Variants in MYO5A observed in about 807,000 individuals in gnomAD.
MYO5A encodes the protein unconventional myosin-Va.
MYO5A carries 98 observed loss-of-function variants against 249.7 expected under a neutral mutation model. That is an observed-to-expected ratio of 0.39 (90% CI 0.33 to 0.46). MYO5A has a LOEUF of 0.46. MYO5A is among the 20% of genes least tolerant of loss of function. MYO5A has a pLI of 0.98. For synonymous variants in MYO5A, 778 were observed against 810.6 expected (o/e 0.96, Z 0.68); for missense variants, 1,696 against 2,308.8 (o/e 0.73, Z 5.44).
intron 1 of MYO5A, among the ~76,000 whole-genome samples, chr15:52,501,032 A>G (rs1023554462): frequency 3.3e-5 from 5 of 151,840 alleles, no homozygotes; most frequent in African/African-American, 1.2e-4. Flanking sequence ...TGCAGTGGCA[A>G]GATCTTGGCT....
At chr15:52,472,735 T>C (rs1053968420) in intron 1 of MYO5A, among the ~76,000 whole-genome samples, 2 of 152,348 alleles carry the variant, frequency 1.3e-5, no homozygotes, top group South Asian at 2.1e-4. Context: ...TCCTTTTTTA[T>C]GGCTACGTAG....
At position 52,337,825 on chromosome 15, in the gene MYO5A, A is replaced by G. The variant is rs1326069778; in HGVS notation, c.4299T>C (p.Leu1433=). Residue 1433 remains leucine, a synonymous_variant, in exon 33 of 42, where the codon CTT becomes CTC. Coordinates refer to ENST00000399233, the MANE Select transcript of MYO5A (RefSeq NM_001382347.1). ...PKKYQSYRIS[L]YKRMIDLMEQ... ...TTTTACATACAATCATCCGTTTGTA[A>G]AGGGAAATCCGATATGATTGATACT... 1.3e-6 allele frequency: 2 copies of G among 1,542,890 alleles called. No homozygotes were observed. Among genetic ancestry groups the G allele is most frequent in the Admixed American group, 2.0e-5 (1 of 50,746 alleles).
chr15:52,459,395 C>T (rs2076191652), intron 1 of MYO5A, among the ~76,000 whole-genome samples: 1 of 151,914 alleles, frequency 6.6e-6, no homozygotes. Context: ...TGCCTTCAAG[C>T]ATCTGTTTAA....
At chr15:52,374,188 A>G (rs1387878050) in intron 20 of MYO5A, among the ~76,000 whole-genome samples, 1 of 152,188 alleles carries the variant, frequency 6.6e-6, no homozygotes, top group Non-Finnish European at 1.5e-5. Context: ...CACAGGTGAT[A>G]ATTAAGACTA....
chr15:52,439,098 C>T (rs11854498), intron 1 of MYO5A, among the ~76,000 whole-genome samples: 22,870 of 152,234 alleles, frequency 0.15, 1,823 homozygotes, highest in Middle Eastern at 0.22. Context: ...TCTAATAGAG[C>T]TATAACACTC....
At chr15:52,468,064 G>T (rs2076386057) in intron 1 of MYO5A, among the ~76,000 whole-genome samples, 1 of 152,142 alleles carries the variant, frequency 6.6e-6, no homozygotes, top group Non-Finnish European at 1.5e-5. Context: ...ACAAAGAAAA[G>T]ATGGACCAGG....
At chr15:52,347,224 T>C (rs2039682210) in intron 29 of MYO5A, among the ~76,000 whole-genome samples, 3 of 152,218 alleles carry the variant, frequency 2.0e-5, no homozygotes, top group Non-Finnish European at 4.4e-5. Flanking sequence ...TCTATCTTTC[T>C]AGACAAGAGT....
intron 29 of MYO5A, among the ~76,000 whole-genome samples, chr15:52,348,038 C>T (rs1322783893): frequency 3.3e-5 from 5 of 152,204 alleles, no homozygotes; most frequent in African/African-American, 1.2e-4. Context: ...AATGAGGTAA[C>T]TTGATCAAAT....
At chr15:52,323,314 G>C in intron 37 of MYO5A, 41 bp downstream of exon 37, 1 of 1,538,658 alleles carries the variant, frequency 6.5e-7, no homozygotes, top group Non-Finnish European at 9.0e-7. Flanking sequence ...AAAGGTCAGA[G>C]AAAGTATAGC....
intron 1 of MYO5A, among the ~76,000 whole-genome samples, chr15:52,482,164 C>T (rs1405759936): frequency 2.0e-5 from 3 of 152,154 alleles, no homozygotes; most frequent in South Asian, 4.1e-4. Context: ...GAGGCATGCA[C>T]GGGGTCTGTG....
chr15:52,366,585 C>T (rs1389084710), intron 23 of MYO5A, among the ~76,000 whole-genome samples: 1 of 127,792 alleles, frequency 7.8e-6, no homozygotes, highest in Non-Finnish European at 1.6e-5. Flanking sequence ...TTTTTTTAGA[C>T]TAGCAAAGAG....
chr15:52,360,457 T>C (rs1343440399), intron 24 of MYO5A, among the ~76,000 whole-genome samples: 4 of 152,158 alleles, frequency 2.6e-5, no homozygotes. Flanking sequence ...AAATAAAACT[T>C]ACAAAAACCT....
chr15:52,439,961 T>C (rs1045290258), intron 1 of MYO5A, among the ~76,000 whole-genome samples: 3 of 152,384 alleles, frequency 2.0e-5, no homozygotes, highest in East Asian at 1.9e-4. Context: ...AATTTTATAA[T>C]AGCTAAAATC....
chr15:52,348,686 T>C (rs2039780223), intron 29 of MYO5A, 132 bp downstream of exon 29: 4 of 828,966 alleles, frequency 4.8e-6, no homozygotes, highest in Admixed American at 5.7e-5. Flanking sequence ...AAATCGGAAA[T>C]TCACTTACAA....
intron 1 of MYO5A, among the ~76,000 whole-genome samples, chr15:52,443,209 C>T (rs2075820252): frequency 6.6e-6 from 1 of 152,172 alleles, no homozygotes; most frequent in South Asian, 2.1e-4. Flanking sequence ...AATCAGCTTG[C>T]CATCCATCCT....
intron 1 of MYO5A, among the ~76,000 whole-genome samples, chr15:52,472,089 T>C (rs2076485076): frequency 6.6e-6 from 1 of 151,892 alleles, no homozygotes; most frequent in East Asian, 1.9e-4. Context: ...CATTTTTTTT[T>C]TTTTTTGAGA....
intron 1 of MYO5A, among the ~76,000 whole-genome samples, chr15:52,476,547 T>C (rs1390595411): frequency 6.6e-6 from 1 of 152,238 alleles, no homozygotes; most frequent in African/African-American, 2.4e-5. Flanking sequence ...TTCCTTTCCA[T>C]GTTTAATGCT....
chr15:52,433,339 A>C lies in MYO5A; in HGVS notation c.28-54T>G, dbSNP rs956355212. ...CTAGCAAATCAATTATTTTACAATC[A>C]TATATAAACATATGATAACTATTTA... On this transcript the variant is annotated intron_variant, in intron 1 of 41. Transcript: ENST00000399233. The C allele has an allele frequency of 6.3e-6, 6 of 959,064 alleles. No individual in the cohort carries two copies. In the African/African-American group the frequency reaches 9.8e-5, roughly 16 times the overall value. The allele number at this position is 959,064 out of a possible 1,614,324, so 59.4% of individuals were successfully genotyped here.
rs1333745220 is a variant in MYO5A, at chr15:52,375,398, T to C, written c.2483A>G (p.Tyr828Cys). ...ATIIQKYWRM[Y>C]VVRRRYKIRR... ...AATCTTGTACCTCCTGCGGACCACA[T>C]ACATGCGCCAGTACTTTTGAATGAT... The change falls in exon 20 of 42, where the codon TAT (tyrosine) becomes TGT (cysteine). Residue 828 changes from tyrosine (Y) to cysteine (C), a missense_variant. Physicochemically the swap from Tyr to Cys is radical, Grantham distance 194. Coordinates refer to ENST00000399233, the MANE Select transcript of MYO5A (RefSeq NM_001382347.1). The C allele has an allele frequency of 1.4e-5, 22 of 1,614,014 alleles. No individual in the cohort carries two copies. Among genetic ancestry groups the C allele is most frequent in the East Asian group, 2.2e-5 (1 of 44,880 alleles).
Sources: allele counts gnomAD v4.1 joint callset (sites outside exome capture counted in the v4.1 genomes callset), GRCh38; gene constraint gnomAD v4.1.1; transcripts MANE v1.5; gene names NCBI Gene and HGNC (gene_info 2026-07-23, HGNC 2026-07-21).